The following PTK7 variants were observed in gnomAD, a reference collection of about 807,000 sequenced individuals.
The protein encoded by PTK7 is inactive tyrosine-protein kinase 7.
In PTK7, 39 loss-of-function variants were observed where a neutral mutation model predicts 116.6. The ratio of observed to expected loss-of-function variants is 0.33; its 90% confidence interval spans 0.26 to 0.44. The LOEUF is 0.44. Ranked by LOEUF, PTK7 falls within the 20% of genes least tolerant of loss-of-function variation. The pLI, the probability that PTK7 is intolerant of heterozygous loss-of-function variation, is 1.00. For synonymous variants in PTK7, 546 were observed against 563.6 expected, an observed-to-expected ratio of 0.97 and a Z score of 0.44; for missense variants, 1,169 against 1,425.6, an observed-to-expected ratio of 0.82 and a Z score of 2.90.
chr6:43,116,451 C>T (rs1270507455), intron 1 of PTK7, among the ~76,000 whole-genome samples: 1 of 152,226 alleles, frequency 6.6e-6, no homozygotes, highest in Non-Finnish European at 1.5e-5. Flanking sequence ...ATTCCCCACT[C>T]TTGTCTGCTC....
chr6:43,157,364 ATTTTTTTTTTTCTT>A (rs1288665713), intron 17 of PTK7, among the ~76,000 whole-genome samples: 5 of 54,362 alleles, frequency 9.2e-5, no homozygotes, highest in African/African-American at 3.6e-4. Context: ...ATATATATAT[ATTTTTTTTTTTCTT>A]TTTTTTTTTT....
Position 43,139,250 on chromosome 6 carries a change from C to T in PTK7, c.1477C>T (p.Gln493Ter), listed in dbSNP as rs201529711. The T allele has an allele frequency of 1.2e-6, 2 of 1,614,096 alleles. No individual in the cohort carries two copies. The highest frequency in any genetic ancestry group is 1.7e-6 in the Non-Finnish European group (2 of 1,180,042). ...CACCCCAGCCGGCAGCATCGAGGCG[C>T]AAGCCCGTGTCCAAGTGCTGGGTGA... Reference protein sequence around the residue: ...SSTPAGSIEAQARVQVLEKLK... With the variant: ...SSTPAGSIEA Residue 493 changes from glutamine (Q) to a stop codon, truncating the protein, a stop_gained, in exon 9 of 20, where the codon CAA becomes TAA. Transcript: ENST00000230419. LOFTEE classifies it high-confidence loss of function. This position sits in a 1 kb window ranked among gnomAD's most constrained non-coding sequence, Gnocchi z 4.6.
At chr6:43,142,986 C>G (rs149394644) in intron 13 of PTK7, 4 of 174,314 alleles carry the variant, frequency 2.3e-5, no homozygotes, top group African/African-American at 9.6e-5. Flanking sequence ...GGCCCCTAGA[C>G]CAGCAGATCC....
chr6:43,118,620 C>CCTCTCTCTCTCTCTCTCT (rs1170818291), intron 1 of PTK7, among the ~76,000 whole-genome samples: 1 of 63,334 alleles, frequency 1.6e-5, no homozygotes, highest in Non-Finnish European at 3.1e-5. Flanking sequence ...AATATTTTAA[C>CCTCTCTCTCTCTCTCTCT]CTCTCTCTCT....
At chr6:43,087,524 C>T (rs866831048) in intron 1 of PTK7, among the ~76,000 whole-genome samples, 1 of 152,152 alleles carries the variant, frequency 6.6e-6, no homozygotes, top group Non-Finnish European at 1.5e-5. Context: ...TTGCTGAGCT[C>T]CAGCGCTGGG....
intron 5 of PTK7, among the ~76,000 whole-genome samples, chr6:43,131,030 CA>C (rs1561966856): frequency 0.021 from 193 of 9,108 alleles, 1 homozygote; most frequent in African/African-American, 0.064. Context: ...GCAAAGACAT[CA>C]CACACACACA....
intron 17 of PTK7, among the ~76,000 whole-genome samples, chr6:43,157,361 TA>T (rs1472111798): frequency 0.043 from 492 of 11,412 alleles, 72 homozygotes; most frequent in Non-Finnish European, 0.056. Context: ...TATATATATA[TA>T]TATTTTTTTT....
intron 19 of PTK7, among the ~76,000 whole-genome samples, chr6:43,160,491 G>A (rs569676827): frequency 1.5e-4 from 23 of 152,254 alleles, no homozygotes; most frequent in Non-Finnish European, 2.5e-4. Flanking sequence ...CCACTCTGAC[G>A]CCTGTCCGCC....
At chr6:43,101,330 A>G (rs901885780) in intron 1 of PTK7, among the ~76,000 whole-genome samples, 10 of 151,920 alleles carry the variant, frequency 6.6e-5, no homozygotes, top group Non-Finnish European at 1.5e-4. Context: ...AGGCGGGCGG[A>G]TCACAAGGTC....
intron 1 of PTK7, among the ~76,000 whole-genome samples, chr6:43,091,722 G>T (rs1478110887): frequency 1.3e-5 from 2 of 152,114 alleles, no homozygotes; most frequent in East Asian, 3.8e-4. Flanking sequence ...CAACTTACAA[G>T]TTTTAAGTTT....
intron 1 of PTK7, among the ~76,000 whole-genome samples, chr6:43,089,712 C>A (rs993092328): frequency 6.6e-6 from 1 of 152,182 alleles, no homozygotes; most frequent in Non-Finnish European, 1.5e-5. Context: ...AGGCCTCTTA[C>A]CGGAGGAGTA....
intron 1 of PTK7, among the ~76,000 whole-genome samples, chr6:43,092,867 T>C (rs1767029588): frequency 6.6e-6 from 1 of 152,224 alleles, no homozygotes; most frequent in African/African-American, 2.4e-5. Context: ...TTATCTGTGA[T>C]GGCTATGACT....
intron 1 of PTK7, among the ~76,000 whole-genome samples, chr6:43,082,208 C>T (rs1370397935): frequency 1.3e-5 from 2 of 152,172 alleles, no homozygotes; most frequent in African/African-American, 2.4e-5. Context: ...TGGAGTCTCA[C>T]TCTGTCGCCC....
chr6:43,103,510 G>C (rs1419754264), intron 1 of PTK7, among the ~76,000 whole-genome samples: 2 of 151,932 alleles, frequency 1.3e-5, no homozygotes, highest in African/African-American at 2.4e-5. Context: ...GCTCCCTGCA[G>C]GTGGAGCAGA....
At chr6:43,103,456 G>GGTGTGT (rs3840390) in intron 1 of PTK7, among the ~76,000 whole-genome samples, 16,621 of 150,292 alleles carry the variant, frequency 0.11, 1,233 homozygotes, top group East Asian at 0.28. Flanking sequence ...GAGTATTACA[G>GGTGTGT]GTGTGTGTGT....
chr6:43,148,931 T>G (rs1770887224), intron 17 of PTK7, among the ~76,000 whole-genome samples: 1 of 150,718 alleles, frequency 6.6e-6, no homozygotes, highest in African/African-American at 2.4e-5. Context: ...TGGTGGTAGG[T>G]GCCTGTAATC....
At chr6:43,082,431 C>G (rs1766431438) in intron 1 of PTK7, among the ~76,000 whole-genome samples, 1 of 152,214 alleles carries the variant, frequency 6.6e-6, no homozygotes, top group African/African-American at 2.4e-5. Flanking sequence ...CCACCTCAGC[C>G]TCCCAAAGTG....
At chr6:43,082,066 G>T (rs140927825) in intron 1 of PTK7, among the ~76,000 whole-genome samples, 3,292 of 152,310 alleles carry the variant, frequency 0.022, 55 homozygotes, top group Non-Finnish European at 0.033. Context: ...CTTCCTCAGA[G>T]AACTGGGTAG....
At chr6:43,140,125 G>T (rs762073010) in intron 10 of PTK7, among the ~76,000 whole-genome samples, 6 of 151,104 alleles carry the variant, frequency 4.0e-5, no homozygotes, top group Non-Finnish European at 7.4e-5. Context: ...AAAGAAAAAA[G>T]AAACAAAAGT....
Sources: allele counts gnomAD v4.1 joint callset (sites outside exome capture counted in the v4.1 genomes callset), GRCh38; gene constraint gnomAD v4.1.1; non-coding constraint Gnocchi (gnomAD v3.1); transcripts MANE v1.5; gene names NCBI Gene and HGNC (gene_info 2026-07-23, HGNC 2026-07-21).